The following LRRC4 variants were observed in gnomAD, a reference collection of about 807,000 sequenced individuals.
The protein encoded by LRRC4 is leucine-rich repeat-containing protein 4.
Under a neutral mutation model 37.9 loss-of-function variants are expected in LRRC4, and 11 were observed. That is an observed-to-expected ratio of 0.29 (90% CI 0.18 to 0.48). The LOEUF (loss-of-function observed/expected upper bound fraction) is 0.48. Ranked by LOEUF, LRRC4 falls within the 20% of genes least tolerant of loss-of-function variation. The pLI, the probability that LRRC4 is intolerant of heterozygous loss-of-function variation, is 0.99. For synonymous variants in LRRC4, 404 were observed against 346.7 expected (o/e 1.17, Z -1.84); for missense variants, 717 against 842.1 (o/e 0.85, Z 1.84).
Position 128,028,051 on chromosome 7 carries a change from C to T in LRRC4, c.*628G>A, listed in dbSNP as rs1389906924. The T allele has an allele frequency of 6.5e-6, 1 of 152,748 alleles. No individual in the cohort carries two copies. The highest frequency in any genetic ancestry group is 2.4e-5 in the African/African-American group (1 of 41,468). 9.5% of individuals were successfully genotyped at this position (152,748 alleles called of 1,614,324 possible). ...GTGCACATGGACAAAGACTCAGCCC[C>T]TTTAAGGGTTCGTTTGAATTTTGGT... On this transcript the variant is annotated 3_prime_UTR_variant, in exon 2 of 2. Transcript: ENST00000249363.
At chr7:128,031,569 GT>G (rs1252800636), upstream of LRRC4, 2 of 150,578 alleles carry the variant, frequency 1.3e-5, no homozygotes, top group South Asian at 4.1e-4. Flanking sequence ...CAGTTCTCCA[GT>G]CCGCCGGCTG....
In LRRC4 at chr7:128,030,699, G is replaced by C. The variant is rs907694717; in HGVS notation, c.-59C>G. ...GATTTTGGCTCGGAAAGGAGAACCA[G>C]CCCTACCCCGGCTTAAGTGAGCTAG... On this transcript the variant is annotated 5_prime_UTR_variant, in exon 2 of 2. Coordinates refer to ENST00000249363, the MANE Select transcript of LRRC4 (RefSeq NM_022143.5). 6 of 1,515,138 alleles carry C rather than the reference G, an allele frequency of 4.0e-6. No individual in the cohort carries two copies. The African/African-American group carries it at 8.4e-5, about 21-fold the overall frequency. The allele number at this position is 1,515,138 out of a possible 1,614,324, so 93.9% of individuals were successfully genotyped here.
In LRRC4 at chr7:128,028,880, C is replaced by G. The variant is rs147609290; in HGVS notation, c.1761G>C (p.Pro587=). 1 of 1,614,070 alleles carries G rather than the reference C, an allele frequency of 6.2e-7. No individual in the cohort carries two copies. Among genetic ancestry groups the G allele is most frequent in the Non-Finnish European group, 8.5e-7 (1 of 1,179,944 alleles). Residue 587 remains proline, a synonymous_variant, in exon 2 of 2, where the codon CCG becomes CCC. Coordinates refer to ENST00000249363, the MANE Select transcript of LRRC4 (RefSeq NM_022143.5). ...CTGCCCCCTCACCTGATACACCGGA[C>G]GGAGCTGCTGTTGCTGCTGCGGATG... ...AATSAAATAA[P]SGVSGEGAVV...
At position 128,030,259 on chromosome 7, in the gene LRRC4, G is replaced by T. The variant is rs1792542600; in HGVS notation, c.382C>A (p.Leu128Met). 1 of 1,614,210 alleles carries T rather than the reference G, an allele frequency of 6.2e-7. No individual in the cohort carries two copies. The highest frequency in any genetic ancestry group is 8.5e-7 in the Non-Finnish European group (1 of 1,180,022). Residue 128 changes from leucine (L) to methionine (M), a missense_variant, in exon 2 of 2, where the codon CTG (leucine) becomes ATG (methionine). By Grantham distance (15) the Leu-to-Met change is conservative. Around this residue, in one of 5 missense-constraint regions of LRRC4, gnomAD observed 138 missense variants for 261.0 expected, o/e 0.53. Coordinates refer to ENST00000249363, the MANE Select transcript of LRRC4 (RefSeq NM_022143.5). ...GTCAGCCAGTTGTCGAACAGCTCCA[G>T]GGTGTTGAGGCTGGCCAGGCCGTTG... ...AFNGLASLNT[L>M]ELFDNWLTVI...
chr7:128,030,666 T>C lies in LRRC4; in HGVS notation c.-26A>G. 3 of 1,524,426 alleles carry C rather than the reference T, an allele frequency of 2.0e-6. No individual in the cohort carries two copies. The highest frequency in any genetic ancestry group is 2.6e-6 in the Non-Finnish European group (3 of 1,132,950). 94.4% of individuals were successfully genotyped at this position (1,524,426 alleles called of 1,614,324 possible). A position where few individuals can be genotyped will look rare whatever the true frequency, so the allele number is the denominator to read the frequency against. On this transcript the variant is annotated 5_prime_UTR_variant, in exon 2 of 2. The change abolishes an upstream ATG in the 5' untranslated region. Coordinates refer to ENST00000249363, the MANE Select transcript of LRRC4 (RefSeq NM_022143.5). ...GGTGTGGCACGTTCATAATTCACCA[T>C]CGCCTGGGATTTTGGCTCGGAAAGG...
Position 128,030,547 on chromosome 7 carries a change from A to C in LRRC4, c.94T>G (p.Cys32Gly). 1.2e-6 allele frequency: 2 copies of C among 1,613,340 alleles called. No individual in the cohort carries two copies. Among genetic ancestry groups the C allele is most frequent in the Non-Finnish European group, 1.7e-6 (2 of 1,179,742 alleles). Reference sequence around the variant, plus strand: ...GAGGCGGCAGCAGCGATGGCTGCACACAGAATCCACACTTGCGCCGTGAGG... The same window carrying C: ...GAGGCGGCAGCAGCGATGGCTGCACCCAGAATCCACACTTGCGCCGTGAGG... The part of the protein sequence containing the change: ...VYLTAQVWIL[C>G]AAIAAAASAG... The change falls in exon 2 of 2, where the codon TGT becomes GGT. Residue 32 changes from cysteine to glycine, a missense_variant. Coordinates refer to ENST00000249363, the MANE Select transcript of LRRC4 (RefSeq NM_022143.5).
upstream of LRRC4, chr7:128,031,770 AACCGCCCGTC>A (rs903449606): frequency 8.3e-5 from 12 of 144,720 alleles, no homozygotes; most frequent in African/African-American, 1.2e-4. Context: ...GGCGGCGCGC[AACCGCCCGTC>A]GCCGCCCGCC....
rs1453369770 is a variant in LRRC4 at position 128,028,105 on chromosome 7, G to A, written c.*574C>T. 7 of 152,646 alleles carry A rather than the reference G, an allele frequency of 4.6e-5. No homozygotes were observed. The highest frequency in any genetic ancestry group is 1.7e-4 in the African/African-American group (7 of 41,398). The allele number at this position is 152,646 out of a possible 1,614,324, so 9.5% of individuals were successfully genotyped here. A position where few individuals can be genotyped will look rare whatever the true frequency, so the allele number is the denominator to read the frequency against. On this transcript the variant is annotated 3_prime_UTR_variant, in exon 2 of 2. Transcript: ENST00000249363. Reference sequence around the variant, plus strand: ...TTTCCTGCTTAAAATACATGTACAGGTCTATCTTCCCCTTAGCCTCTGAAG... The same window carrying A: ...TTTCCTGCTTAAAATACATGTACAGATCTATCTTCCCCTTAGCCTCTGAAG...
chr7:128,030,417 G>C lies in LRRC4; in HGVS notation c.224C>G (p.Ser75Trp), dbSNP rs1390988880. Residue 75 changes from serine (S) to tryptophan (W), a missense_variant, in exon 2 of 2, where the codon TCG (serine) becomes TGG (tryptophan). Physicochemically the swap from Ser to Trp is radical, Grantham distance 177. Coordinates refer to ENST00000249363, the MANE Select transcript of LRRC4 (RefSeq NM_022143.5). ...GLSEVPQGIP[S>W]NTRYLNLMEN... ...CATGAGGTTGAGGTACCGGGTGTTC[G>C]AGGGAATACCCTGCGGGACCTCGGA... The C allele has an allele frequency of 5.0e-6, 8 of 1,613,740 alleles. No homozygotes were observed. In the African/African-American group the frequency reaches 8.0e-5, roughly 16 times the overall value.
chr7:128,031,766 G>A (rs908708041), upstream of LRRC4: 5 of 145,364 alleles, frequency 3.4e-5, no homozygotes, highest in African/African-American at 7.4e-5. Flanking sequence ...CCCCGGCGGC[G>A]CGCAACCGCC....
chr7:128,029,358 T>C lies in LRRC4; in HGVS notation c.1283A>G (p.Asn428Ser), dbSNP rs1216397194. 6 of 1,614,056 alleles carry C rather than the reference T, an allele frequency of 3.7e-6. No individual in the cohort carries two copies. The highest frequency in any genetic ancestry group is 1.3e-5 in the African/African-American group (1 of 74,912). Reference sequence around the variant, plus strand: ...CGAGGCGTTGGAGTTGCCTGCAACATTGGTCACCATGCATGTGTACACCCC... The same window carrying C: ...CGAGGCGTTGGAGTTGCCTGCAACACTGGTCACCATGCATGTGTACACCCC... ...DTGVYTCMVTNVAGNSNASAY... is the reference protein window; with the variant it reads ...DTGVYTCMVTSVAGNSNASAY... The change falls in exon 2 of 2, where the codon AAT becomes AGT. Residue 428 changes from asparagine (N) to serine (S), a missense_variant. Around this residue, in one of 5 missense-constraint regions of LRRC4, gnomAD observed 293 missense variants for 268.3 expected, o/e 1.09. Transcript: ENST00000249363. This position sits in a 1 kb window ranked among gnomAD's most constrained non-coding sequence, Gnocchi z 4.2.
At position 128,029,408 on chromosome 7, in the gene LRRC4, A is replaced by G; in HGVS notation, c.1233T>C (p.Phe411=). The G allele has an allele frequency of 1.2e-6, 2 of 1,614,202 alleles. No individual in the cohort carries two copies. Among genetic ancestry groups the G allele is most frequent in the Non-Finnish European group, 1.7e-6 (2 of 1,180,040 alleles). The stretch of plus-strand genomic sequence containing the variant: ...CAGTGTCTGAAAGCAGCACGTGGGA[A>G]AAGTTCAAGGTGCCGTCGTTGAGGA... ...ISVLNDGTLN[F]SHVLLSDTGV... Residue 411 remains phenylalanine, a synonymous_variant, in exon 2 of 2, where the codon TTT becomes TTC. Coordinates refer to ENST00000249363, the MANE Select transcript of LRRC4 (RefSeq NM_022143.5). The surrounding 1 kb of genome is among the most constrained non-coding windows in gnomAD (Gnocchi z 4.2).
Position 128,029,427 on chromosome 7 carries a change from T to C in LRRC4, c.1214A>G (p.Asn405Ser), listed in dbSNP as rs1227845978. ...ASRHPRISVL[N>S]DGTLNFSHVL... ...GTGGGAAAAGTTCAAGGTGCCGTCGTTGAGGACAGAGATCCTTGGGTGGCG... is the reference window on the plus strand; with the variant it reads ...GTGGGAAAAGTTCAAGGTGCCGTCGCTGAGGACAGAGATCCTTGGGTGGCG... The change falls in exon 2 of 2, where the codon AAC (asparagine) becomes AGC (serine). Residue 405 changes from asparagine to serine, a missense_variant. By Grantham distance (46) the Asn-to-Ser change is conservative. This residue lies in a region of LRRC4 where 293 missense variants were observed against 268.3 expected (regional missense o/e 1.09). Transcript: ENST00000249363. This position sits in a 1 kb window ranked among gnomAD's most constrained non-coding sequence, Gnocchi z 4.2. 1.9e-6 allele frequency: 3 copies of C among 1,614,184 alleles called. No homozygotes were observed. The highest frequency in any genetic ancestry group is 2.2e-5 in the East Asian group (1 of 44,884).
chr7:128,028,769 C>A lies in LRRC4; in HGVS notation c.1872G>T (p.Gly624=), dbSNP rs900183382. 3 of 1,614,060 alleles carry A rather than the reference C, an allele frequency of 1.9e-6. No homozygotes were observed. The highest frequency in any genetic ancestry group is 2.5e-6 in the Non-Finnish European group (3 of 1,180,010). The stretch of plus-strand genomic sequence containing the variant: ...TGGTGACTGTGGGGTGCAGAGAGTT[C>A]CCCAGGCTGTTTTCTGTCCAGTGGG... ...HGAHWTENSL[G]NSLHPTVTTI... Residue 624 remains glycine, a synonymous_variant, in exon 2 of 2, where the codon GGG becomes GGT. Transcript: ENST00000249363.
upstream of LRRC4, chr7:128,031,903 G>T (rs2116990854): frequency 6.6e-6 from 1 of 151,292 alleles, no homozygotes; most frequent in South Asian, 2.1e-4. Flanking sequence ...TGCTGCAGCG[G>T]CGTGAGCAGC....
rs757269922 is a variant in LRRC4, at chr7:128,029,680, T to C, written c.961A>G (p.Thr321Ala). The change falls in exon 2 of 2, where the codon ACC becomes GCC. Residue 321 changes from threonine to alanine, a missense_variant. Physicochemically the swap from Thr to Ala is moderately conservative, Grantham distance 58. Coordinates refer to ENST00000249363, the MANE Select transcript of LRRC4 (RefSeq NM_022143.5). This position sits in a 1 kb window ranked among gnomAD's most constrained non-coding sequence, Gnocchi z 4.2. Reference sequence around the variant, plus strand: ...CAGCGGCCACAGCAGGTGGAATTGGTGGGTATATACTCTCGAAGCCACCAG... The same window carrying C: ...CAGCGGCCACAGCAGGTGGAATTGGCGGGTATATACTCTCGAAGCCACCAG... Reference protein sequence around the residue: ...LAWWLREYIPTNSTCCGRCHA... With the variant: ...LAWWLREYIPANSTCCGRCHA... 1.2e-6 allele frequency: 2 copies of C among 1,613,560 alleles called. No individual in the cohort carries two copies. Among genetic ancestry groups the C allele is most frequent in the Admixed American group, 1.7e-5 (1 of 59,974 alleles).
At position 128,028,840 on chromosome 7, in the gene LRRC4, T is replaced by C. The variant is rs1415527473; in HGVS notation, c.1801A>G (p.Ile601Val). 2.5e-6 allele frequency: 4 copies of C among 1,614,176 alleles called. No homozygotes were observed. The South Asian group carries it at 4.4e-5, about 18-fold the overall frequency. Residue 601 changes from isoleucine to valine, a missense_variant, in exon 2 of 2, where the codon ATT (isoleucine) becomes GTT (valine). This residue lies in a region of LRRC4 where 140 missense variants were observed against 137.2 expected (regional missense o/e 1.02). Transcript: ENST00000249363. ...SGEGAVVLPT[I>V]HDHINYNTYK... is the part of the protein sequence containing the mutation. ...GTGTTGTAGTTAATATGGTCATGAATTGTGGGCAGCACTACTGCCCCCTCA... is the reference window on the plus strand; with the variant it reads ...GTGTTGTAGTTAATATGGTCATGAACTGTGGGCAGCACTACTGCCCCCTCA...
At chr7:128,030,884 C>T (rs1376114168) in intron 1 of LRRC4, 29 bp downstream of exon 1, 2 of 425,664 alleles carry the variant, frequency 4.7e-6, no homozygotes, top group African/African-American at 2.0e-5. Context: ...CACACTGCAA[C>T]CGTCCCCACC....
At position 128,030,176 on chromosome 7, in the gene LRRC4, G is replaced by A. The variant is rs1563094700; in HGVS notation, c.465C>T (p.Arg155=). The A allele has an allele frequency of 1.9e-6, 3 of 1,614,220 alleles. No homozygotes were observed. The highest frequency in any genetic ancestry group is 1.7e-6 in the Non-Finnish European group (2 of 1,180,042). Reference sequence around the variant, plus strand: ...AGGGGATGCTTTCGATGGGGTTGTTGCGAAGCCAGAGCTCCCGCAGCTTGG... The same window carrying A: ...AGGGGATGCTTTCGATGGGGTTGTTACGAAGCCAGAGCTCCCGCAGCTTGG... The part of the protein sequence containing the change: ...YLSKLRELWL[R]NNPIESIPSY... Residue 155 remains arginine, a synonymous_variant, in exon 2 of 2, where the codon CGC becomes CGT. Transcript: ENST00000249363.
Sources: allele counts gnomAD v4.1 joint callset, GRCh38; gene constraint gnomAD v4.1.1; regional missense constraint gnomAD v4.1.1; non-coding constraint Gnocchi (gnomAD v3.1); transcripts MANE v1.5; gene names NCBI Gene and HGNC (gene_info 2026-07-23, HGNC 2026-07-21).